Variants in ASXL1 observed in about 807,000 individuals in gnomAD.
The protein encoded by ASXL1 is ASXL transcriptional regulator 1.
Under a neutral mutation model 89.1 loss-of-function variants are expected in ASXL1, and 65 were observed. That is an observed-to-expected ratio of 0.73 (90% CI 0.60 to 0.90). ASXL1 has a LOEUF of 0.90. ASXL1 is among the 40% of genes least tolerant of loss of function. ASXL1 has a pLI of 0.00. For missense variants in ASXL1, 1,786 were observed against 1,942.9 expected (o/e 0.92, Z 1.52); for synonymous variants, 739 against 746.9 (o/e 0.99, Z 0.17).
At chr20:32,433,170 C>T (rs2011579709) in intron 11 of ASXL1, 114 bp from the exon 12 acceptor site, 1 of 1,551,366 alleles carries the variant, frequency 6.4e-7, no homozygotes, top group African/African-American at 1.4e-5. Flanking sequence ...GATTGTGCAC[C>T]ACACAGATTT....
chr20:32,383,710 A>G (rs2048529139), intron 4 of ASXL1, among the ~76,000 whole-genome samples: 2 of 152,206 alleles, frequency 1.3e-5, no homozygotes, highest in East Asian at 3.8e-4. Flanking sequence ...CACCTCATGT[A>G]TTACTTGGTA....
chr20:32,382,421 C>G (rs556710945), intron 4 of ASXL1, among the ~76,000 whole-genome samples: 22 of 152,102 alleles, frequency 1.4e-4, no homozygotes, highest in Non-Finnish European at 2.1e-4. Context: ...TTTAAACATT[C>G]TAGGTGGTTT....
rs143328954 is a variant in ASXL1 at position 32,436,956 on chromosome 20, G to A, written c.4244G>A (p.Arg1415Gln). 7.4e-6 allele frequency: 12 copies of A among 1,614,108 alleles called. No individual in the cohort carries two copies. Among genetic ancestry groups the A allele is most frequent in the East Asian group, 4.5e-5 (2 of 44,890 alleles). The part of the protein sequence containing the change: ...VMDLPFWKLP[R>Q]EPGKGLSEPL... ...GACTTGCCCTTCTGGAAATTACCCC[G>A]AGAGCCAGGGAAGGGGCTCAGTGAG... is the stretch of plus-strand genomic sequence containing the variant. Residue 1415 changes from arginine (R) to glutamine (Q), a missense_variant, in exon 13 of 13, where the codon CGA becomes CAA. By Grantham distance (43) the Arg-to-Gln change is conservative. Around this residue, in one of 3 missense-constraint regions of ASXL1, gnomAD observed 1,418 missense variants for 1,427.8 expected, o/e 0.99. Transcript: ENST00000375687.
chr20:32,378,982 C>T (rs1388147952), intron 4 of ASXL1, among the ~76,000 whole-genome samples: 2 of 150,794 alleles, frequency 1.3e-5, no homozygotes, highest in Non-Finnish European at 3.0e-5. Flanking sequence ...AAAAAAAAAA[C>T]CTAGCCAGGT....
chr20:32,415,801 C>G (rs2049128442), intron 4 of ASXL1, among the ~76,000 whole-genome samples: 1 of 152,120 alleles, frequency 6.6e-6, no homozygotes, highest in South Asian at 2.1e-4. Context: ...TGCATGTACA[C>G]TTTTACTGTT....
chr20:32,428,526 A>G, intron 6 of ASXL1, 104 bp downstream of exon 6: 1 of 1,123,630 alleles, frequency 8.9e-7, no homozygotes, highest in Non-Finnish European at 1.3e-6. Flanking sequence ...CAGAGAGTGA[A>G]GAATAGAAGT....
At chr20:32,405,162 G>A (rs2048934912) in intron 4 of ASXL1, among the ~76,000 whole-genome samples, 2 of 152,114 alleles carry the variant, frequency 1.3e-5, no homozygotes, top group Non-Finnish European at 2.9e-5. Context: ...CTGTCACTCT[G>A]TTGTACAGAC....
At chr20:32,398,603 G>GTTTTTTTTTTTTGTT (rs375341392) in intron 4 of ASXL1, among the ~76,000 whole-genome samples, 184 of 126,448 alleles carry the variant, frequency 1.5e-3, no homozygotes, top group African/African-American at 5.2e-3. Context: ...TTTTTTGTTT[G>GTTTTTTTTTTTTGTT]TTTTTTTTTT....
intron 4 of ASXL1, chr20:32,372,448 C>G: frequency 9.4e-7 from 1 of 1,060,158 alleles, no homozygotes; most frequent in Non-Finnish European, 1.1e-6. Context: ...TGGTTGGTTC[C>G]TCTAGTTAGA....
At chr20:32,372,509 CTA>C in intron 4 of ASXL1, 1 of 671,866 alleles carries the variant, frequency 1.5e-6, no homozygotes. Flanking sequence ...ACCCACAGTA[CTA>C]GGTACATAGT....
chr20:32,432,915 C>T lies in ASXL1; in HGVS notation c.1015C>T (p.Gln339Ter), dbSNP rs2011567269. ...FTHEMQVRIRQEMEKEKKVEQ... is the reference protein window; with the variant it reads ...FTHEMQVRIR ...TCATGAGATGCAAGTCAGGATACGACAGGAAATGGAGAAGGAAAAGAAGGT... is the reference window on the plus strand; with the variant it reads ...TCATGAGATGCAAGTCAGGATACGATAGGAAATGGAGAAGGAAAAGAAGGT... The change falls in exon 11 of 13, where the codon CAG (glutamine) becomes TAG (stop). Residue 339 changes from glutamine (Q) to a stop codon, truncating the protein, a stop_gained. Transcript: ENST00000375687. LOFTEE classifies it high-confidence loss of function. 1 of 1,613,710 alleles carries T rather than the reference C, an allele frequency of 6.2e-7. No individual in the cohort carries two copies. The highest frequency in any genetic ancestry group is 1.3e-5 in the African/African-American group (1 of 74,844).
rs1482263219 is a variant in ASXL1, at chr20:32,358,490, G to C, written c.-286G>C. On this transcript the variant is annotated 5_prime_UTR_variant, in exon 1 of 13. Transcript: ENST00000375687. The stretch of plus-strand genomic sequence containing the variant: ...GTGACCTCTGACCCCGTGGTTATGC[G>C]GAGCCGCCGCATTCCTTAGCGATCG... 1 of 230,540 alleles carries C rather than the reference G, an allele frequency of 4.3e-6. No homozygotes were observed. The highest frequency in any genetic ancestry group is 2.2e-5 in the African/African-American group (1 of 45,158). The allele number at this position is 230,540 out of a possible 1,614,324, so 14.3% of individuals were successfully genotyped here. A position where few individuals can be genotyped will look rare whatever the true frequency, so the allele number is the denominator to read the frequency against.
chr20:32,361,742 G>A (rs1193224336), intron 1 of ASXL1, among the ~76,000 whole-genome samples: 2 of 152,036 alleles, frequency 1.3e-5, no homozygotes, highest in East Asian at 3.9e-4. Flanking sequence ...TTCTTTGAAT[G>A]GGACTGGATG....
Position 32,433,458 on chromosome 20 carries a change from C to T in ASXL1, c.1260C>T (p.Ala420=), listed in dbSNP as rs2123257079. ...CTCGGCCAGATCTCCGAACCAGAGC[C>T]AGAAGGAATCTGTACAAAAAACAGG... ...KRSRPDLRTR[A]RRNLYKKQES... The change falls in exon 12 of 13, where the codon GCC becomes GCT. Residue 420 remains alanine, a synonymous_variant. Coordinates refer to ENST00000375687, the MANE Select transcript of ASXL1 (RefSeq NM_015338.6). 1 of 1,614,176 alleles carries T rather than the reference C, an allele frequency of 6.2e-7. No homozygotes were observed. The highest frequency in any genetic ancestry group is 2.2e-5 in the East Asian group (1 of 44,888).
rs746026946 is a variant in ASXL1 at position 32,434,896 on chromosome 20, A to G, written c.2184A>G (p.Glu728=). 37 of 1,614,068 alleles carry G rather than the reference A, an allele frequency of 2.3e-5. 1 individual carries two copies. The South Asian group carries it at 4.1e-4, about 18-fold the overall frequency. Reference sequence around the variant, plus strand: ...ACCTGCCTTCTCTGAGAAAGGAGGAAAGCTGCCTACTACAGAGGGCTACAG... The same window carrying G: ...ACCTGCCTTCTCTGAGAAAGGAGGAGAGCTGCCTACTACAGAGGGCTACAG... ...REDLPSLRKE[E]SCLLQRATVG... is the part of the protein sequence containing the mutation. Residue 728 remains glutamate, a synonymous_variant, in exon 13 of 13, where the codon GAA becomes GAG. Coordinates refer to ENST00000375687, the MANE Select transcript of ASXL1 (RefSeq NM_015338.6).
Position 32,364,398 on chromosome 20 carries a change from T to G in ASXL1, c.58-1986T>G, listed in dbSNP as rs909657451. ...GCCCATCTAGTTTTTTGTATTTTTTTGTAGAGACAGGGTTTCACCATGTCG... is the reference window on the plus strand; with the variant it reads ...GCCCATCTAGTTTTTTGTATTTTTTGGTAGAGACAGGGTTTCACCATGTCG... On this transcript the variant is annotated intron_variant, in intron 1 of 12. Transcript: ENST00000375687. 3.2e-4 allele frequency among the ~76,000 whole-genome samples: 48 copies of G among 149,238 alleles called. 1 individual carries two copies. The highest frequency in any genetic ancestry group is 6.3e-4 in the South Asian group (3 of 4,740).
intron 4 of ASXL1, among the ~76,000 whole-genome samples, chr20:32,387,641 G>T (rs1377866628): frequency 1.3e-5 from 2 of 152,176 alleles, no homozygotes; most frequent in African/African-American, 4.8e-5. Flanking sequence ...CAGTTCAGGG[G>T]ATGAATCTGC....
At chr20:32,420,559 A>C (rs1266250427) in intron 4 of ASXL1, among the ~76,000 whole-genome samples, 2 of 152,174 alleles carry the variant, frequency 1.3e-5, no homozygotes, top group Non-Finnish European at 2.9e-5. Flanking sequence ...TGCATTTTAG[A>C]AACACTTATT....
chr20:32,423,234 T>A (rs540992659), intron 4 of ASXL1, among the ~76,000 whole-genome samples: 113 of 152,026 alleles, frequency 7.4e-4, no homozygotes, highest in Middle Eastern at 3.4e-3. Flanking sequence ...TTTTTTTTTT[T>A]AATTTTTTAT....
Sources: gnomAD v4.1 joint callset for allele counts (sites outside exome capture counted in the v4.1 genomes callset) on GRCh38, gnomAD v4.1.1 for gene constraint, gnomAD v4.1.1 regional missense constraint, MANE v1.5 for transcripts, NCBI Gene and HGNC (gene_info 2026-07-23, HGNC 2026-07-21) for gene names.